Variants in SRGAP3 observed in about 807,000 individuals in gnomAD.
SRGAP3 encodes the protein SLIT-ROBO Rho GTPase-activating protein 3.
SRGAP3 carries 39 observed loss-of-function variants against 121.1 expected under a neutral mutation model. The observed-to-expected ratio is 0.32, with a 90% CI of 0.25 to 0.42. The LOEUF is 0.42. SRGAP3 is among the 10% of genes least tolerant of loss of function. The pLI is 1.00. For synonymous variants in SRGAP3, 601 were observed against 570.0 expected, an observed-to-expected ratio of 1.05 and a Z score of -0.77; for missense variants, 1,213 against 1,470.6, an observed-to-expected ratio of 0.82 and a Z score of 2.86.
chr3:9,264,450 A>C (rs1004649971), intron 3 of SRGAP3, among the ~76,000 whole-genome samples: 2 of 152,256 alleles, frequency 1.3e-5, no homozygotes, highest in Non-Finnish European at 2.9e-5. Flanking sequence ...TGCAGATGAC[A>C]TGATTGTATA....
chr3:9,288,858 G>A (rs554733502), intron 3 of SRGAP3, among the ~76,000 whole-genome samples: 2 of 152,162 alleles, frequency 1.3e-5, no homozygotes, highest in South Asian at 4.1e-4. Flanking sequence ...TTACAGGTAT[G>A]AGCCACTATG....
At chr3:9,058,523 G>A (rs1945949211) in intron 6 of SRGAP3, 51 bp from the exon 7 acceptor site, 2 of 1,577,446 alleles carry the variant, frequency 1.3e-6, no homozygotes, top group African/African-American at 1.3e-5. Flanking sequence ...AGGATGTGGA[G>A]GGGCGGTCAC....
intron 1 of SRGAP3, among the ~76,000 whole-genome samples, chr3:9,131,433 C>CCTT (rs1365084192): frequency 5.5e-5 from 5 of 90,216 alleles, no homozygotes; most frequent in Non-Finnish European, 8.2e-5. Flanking sequence ...AGATCTAATT[C>CCTT]TTTTTTTTTT....
intron 3 of SRGAP3, chr3:9,256,763 G>A (rs1216207416): frequency 1.8e-5 from 7 of 396,334 alleles, no homozygotes; most frequent in South Asian, 1.3e-4. Context: ...TTTCAGCTCC[G>A]CCTGCATTCT....
At chr3:8,988,547 C>T (rs1300112083) in intron 21 of SRGAP3, among the ~76,000 whole-genome samples, 2 of 151,808 alleles carry the variant, frequency 1.3e-5, no homozygotes, top group African/African-American at 4.9e-5. Flanking sequence ...ACACATGCAG[C>T]AGGCCCCAAG....
chr3:9,197,759 C>G (rs1044995287), intron 1 of SRGAP3, among the ~76,000 whole-genome samples: 1 of 152,198 alleles, frequency 6.6e-6, no homozygotes, highest in African/African-American at 2.4e-5. Context: ...TGTTCTCTAA[C>G]TACATTGTTA....
At chr3:9,294,619 G>C (rs1434068528) in intron 3 of SRGAP3, among the ~76,000 whole-genome samples, 1 of 151,100 alleles carries the variant, frequency 6.6e-6, no homozygotes, top group Non-Finnish European at 1.5e-5. Context: ...TGCTTGATTC[G>C]GACCACATTT....
At chr3:9,011,585 C>T (rs540464844) in intron 17 of SRGAP3, among the ~76,000 whole-genome samples, 16 of 152,340 alleles carry the variant, frequency 1.1e-4, no homozygotes, top group African/African-American at 3.8e-4. Context: ...TCAGTCTGCA[C>T]TTCCCCCAGG....
intron 1 of SRGAP3, among the ~76,000 whole-genome samples, chr3:9,163,813 G>A (rs1437981060): frequency 6.6e-6 from 1 of 152,092 alleles, no homozygotes; most frequent in East Asian, 1.9e-4. Flanking sequence ...GACACTCCCA[G>A]TGGAAACCCT....
intron 1 of SRGAP3, among the ~76,000 whole-genome samples, chr3:9,142,680 CT>C (rs1324611276): frequency 6.6e-6 from 1 of 152,134 alleles, no homozygotes; most frequent in African/African-American, 2.4e-5. Flanking sequence ...CTTCACTACT[CT>C]AGGTCAGTCG....
At chr3:9,008,693 G>T (rs1943209380) in intron 18 of SRGAP3, among the ~76,000 whole-genome samples, 1 of 152,190 alleles carries the variant, frequency 6.6e-6, no homozygotes, top group Non-Finnish European at 1.5e-5. Context: ...ACATTCCTCA[G>T]TTCAGGATGA....
intron 3 of SRGAP3, among the ~76,000 whole-genome samples, chr3:9,297,165 T>C (rs1954966749): frequency 6.6e-6 from 1 of 152,170 alleles, no homozygotes. Context: ...AAGATCATTA[T>C]GATTGAGTTA....
chr3:9,331,869 T>C (rs914587923), intron 1 of SRGAP3, among the ~76,000 whole-genome samples: 1 of 152,018 alleles, frequency 6.6e-6, no homozygotes, highest in Non-Finnish European at 1.5e-5. Context: ...AATTAACCCA[T>C]ATAAGTGAGC....
intron 9 of SRGAP3, among the ~76,000 whole-genome samples, chr3:9,050,506 TG>T (rs2125153044): frequency 6.6e-6 from 1 of 152,344 alleles, no homozygotes; most frequent in South Asian, 2.1e-4. Flanking sequence ...CAAATTGCAT[TG>T]ATGTTTGCAT....
At position 9,246,003 on chromosome 3, in the gene SRGAP3, T is replaced by C. The variant is rs552680762; in HGVS notation, c.67+2882A>G. On this transcript the variant is annotated intron_variant, in intron 1 of 21. Coordinates refer to ENST00000383836, the MANE Select transcript of SRGAP3 (RefSeq NM_014850.4). Reference sequence around the variant, plus strand: ...CTACGTGGGCTTGGGAGGTAGTGAGTTCCCCATCACTAGAAATGTGCAAGC... The same window carrying C: ...CTACGTGGGCTTGGGAGGTAGTGAGCTCCCCATCACTAGAAATGTGCAAGC... Among the ~76,000 whole-genome samples, 24 of 152,186 alleles carry C rather than the reference T, an allele frequency of 1.6e-4. No individual in the cohort carries two copies. In the South Asian group the frequency reaches 4.2e-3, roughly 26 times the overall value.
intron 3 of SRGAP3, among the ~76,000 whole-genome samples, chr3:9,262,080 T>G (rs1954267644): frequency 6.6e-6 from 1 of 152,160 alleles, no homozygotes; most frequent in African/African-American, 2.4e-5. Flanking sequence ...AAAAGAATTT[T>G]CAACCCAGAA....
rs1345135729 is a variant in SRGAP3 at position 8,981,833 on chromosome 3, C to G, written c.*3686G>C. On this transcript the variant is annotated 3_prime_UTR_variant, in exon 22 of 22. Coordinates refer to ENST00000383836, the MANE Select transcript of SRGAP3 (RefSeq NM_014850.4). ...CCTTTCATCCCTTGGGAATCCATCT[C>G]TCTCCTGACCCCTGGCCTGGTGACT... is the stretch of plus-strand genomic sequence containing the variant. 4.4e-6 allele frequency: 1 copy of G among 229,446 alleles called. No individual in the cohort carries two copies. The highest frequency in any genetic ancestry group is 8.7e-6 in the Non-Finnish European group (1 of 115,592). The allele number at this position is 229,446 out of a possible 1,614,324, so 14.2% of individuals were successfully genotyped here.
intron 2 of SRGAP3, among the ~76,000 whole-genome samples, chr3:9,108,070 T>C (rs1490202461): frequency 1.3e-5 from 2 of 152,076 alleles, no homozygotes; most frequent in African/African-American, 2.4e-5. Flanking sequence ...TGGAGGACTG[T>C]AGGACATGAG....
chr3:8,999,131 G>A (rs917178187), intron 18 of SRGAP3, among the ~76,000 whole-genome samples: 19 of 152,362 alleles, frequency 1.2e-4, no homozygotes, highest in Admixed American at 6.5e-4. Context: ...GGGCTCTACA[G>A]TGAGGGAAGA....
Sources: gnomAD v4.1 joint callset for allele counts (sites outside exome capture counted in the v4.1 genomes callset) on GRCh38, gnomAD v4.1.1 for gene constraint, MANE v1.5 for transcripts, NCBI Gene and HGNC (gene_info 2026-07-23, HGNC 2026-07-21) for gene names.